ABCD3: variants seen among roughly 807,000 people sequenced by gnomAD.
ABCD3 encodes the protein ATP binding cassette subfamily D member 3.
Under a neutral mutation model 105.5 loss-of-function variants are expected in ABCD3, and 41 were observed. The observed-to-expected ratio is 0.39, with a 90% confidence interval of 0.30 to 0.50. The LOEUF (loss-of-function observed/expected upper bound fraction) is 0.50, where lower values mean the gene tolerates loss of function less well. Among genes scored for constraint, ABCD3 ranks in the 20% least tolerant of loss-of-function variants. The pLI, the probability that ABCD3 is intolerant of heterozygous loss-of-function variation, is 0.84. For missense variants in ABCD3, 622 were observed against 806.3 expected (o/e 0.77, Z 2.77); for synonymous variants, 258 against 269.0 (o/e 0.96, Z 0.40).
chr1:94,408,784 AT>A, the ABCD3 span, among the ~76,000 whole-genome samples: 1 of 152,170 alleles, frequency 6.6e-6, no homozygotes. Context: ...AGAATTTTAG[AT>A]GAGAGACTGA....
At chr1:94,402,253 G>A in the ABCD3 span, among the ~76,000 whole-genome samples, 1 of 152,118 alleles carries the variant, frequency 6.6e-6, no homozygotes, top group Non-Finnish European at 1.5e-5. Flanking sequence ...GCTGTTATGA[G>A]TGTTCTTTAA....
chr1:94,471,341 T>G (rs1215386254), intron 4 of ABCD3, among the ~76,000 whole-genome samples: 2 of 151,972 alleles, frequency 1.3e-5, no homozygotes, highest in Admixed American at 1.3e-4. Flanking sequence ...GAGGATCACT[T>G]GAGGCCAAGA....
intron 21 of ABCD3, among the ~76,000 whole-genome samples, chr1:94,512,764 A>G (rs1055948102): frequency 6.6e-6 from 1 of 152,100 alleles, no homozygotes; most frequent in Non-Finnish European, 1.5e-5. Flanking sequence ...ATTGTTACCA[A>G]CATCTATACT....
intron 8 of ABCD3, among the ~76,000 whole-genome samples, chr1:94,479,172 T>C (rs772791244): frequency 2.0e-4 from 31 of 152,208 alleles, no homozygotes; most frequent in Non-Finnish European, 1.8e-4. Flanking sequence ...TTTATTTTCC[T>C]AATTCTTTGC....
chr1:94,420,173 G>A (rs1361984928), intron 1 of ABCD3, among the ~76,000 whole-genome samples: 1 of 152,124 alleles, frequency 6.6e-6, no homozygotes, highest in Non-Finnish European at 1.5e-5. Flanking sequence ...AGAGCTTGAA[G>A]AATTTTTACA....
chr1:94,426,924 C>T (rs1196749106), intron 1 of ABCD3, among the ~76,000 whole-genome samples: 1 of 150,918 alleles, frequency 6.6e-6, no homozygotes, highest in Non-Finnish European at 1.5e-5. Flanking sequence ...ATTACTTCTT[C>T]CCTCTGAAAC....
chr1:94,449,766 C>T (rs1388049592), intron 1 of ABCD3, among the ~76,000 whole-genome samples: 1 of 152,146 alleles, frequency 6.6e-6, no homozygotes, highest in Admixed American at 6.5e-5. Context: ...AGTCTGCGTG[C>T]CACAGCCACA....
chr1:94,450,420 G>T (rs1311780514), intron 1 of ABCD3, among the ~76,000 whole-genome samples: 2 of 152,224 alleles, frequency 1.3e-5, no homozygotes, highest in South Asian at 2.1e-4. Flanking sequence ...GCTGAAGGTT[G>T]TGGGTTTACC....
In ABCD3 at chr1:94,434,836, G is replaced by A. The variant is rs145033093; in HGVS notation, c.110+16248G>A. Among the ~76,000 whole-genome samples, 292 of 152,226 alleles carry A rather than the reference G, an allele frequency of 1.9e-3. 1 individual carries two copies. Among genetic ancestry groups the A allele is most frequent in the Non-Finnish European group, 3.3e-3 (225 of 68,026 alleles). ...AGCCACTGCAGAAGCCTTCCACATGGCCCTTCCCAGTCACAGCCCCTTTCC... is the reference window on the plus strand; with the variant it reads ...AGCCACTGCAGAAGCCTTCCACATGACCCTTCCCAGTCACAGCCCCTTTCC... On this transcript the variant is annotated intron_variant, in intron 1 of 22. Coordinates refer to ENST00000370214, the MANE Select transcript of ABCD3 (RefSeq NM_002858.4).
chr1:94,445,601 C>G (rs1186983146), intron 1 of ABCD3, among the ~76,000 whole-genome samples: 2 of 152,168 alleles, frequency 1.3e-5, no homozygotes, highest in Non-Finnish European at 2.9e-5. Flanking sequence ...TCCTGCACCC[C>G]CTCCTTATTT....
At chr1:94,443,253 T>C (rs1040661402) in intron 1 of ABCD3, among the ~76,000 whole-genome samples, 1 of 152,212 alleles carries the variant, frequency 6.6e-6, no homozygotes, top group African/African-American at 2.4e-5. Context: ...TTGGCCCCTT[T>C]GTATGTCTTC....
At chr1:94,440,544 T>C (rs1660095173) in intron 1 of ABCD3, among the ~76,000 whole-genome samples, 1 of 152,224 alleles carries the variant, frequency 6.6e-6, no homozygotes. Flanking sequence ...CAGTGCTGTT[T>C]ACTGGACTGT....
intron 4 of ABCD3, 93 bp downstream of exon 4, chr1:94,468,100 G>T: frequency 1.1e-6 from 1 of 946,702 alleles, no homozygotes; most frequent in Non-Finnish European, 1.7e-6. Context: ...TAGATTCTAA[G>T]TTAGGTAAAA....
intron 1 of ABCD3, among the ~76,000 whole-genome samples, chr1:94,426,252 G>T (rs1383195301): frequency 6.6e-6 from 1 of 152,082 alleles, no homozygotes; most frequent in Non-Finnish European, 1.5e-5. Context: ...CATGGTTTTA[G>T]GTTTCTGTAT....
intron 21 of ABCD3, chr1:94,514,444 T>G (rs1019520968): frequency 4.6e-5 from 7 of 152,108 alleles, no homozygotes; most frequent in African/African-American, 1.7e-4. Flanking sequence ...TATTAATGTT[T>G]TTTTTTTTTT....
At chr1:94,478,632 C>A in intron 8 of ABCD3, 1 of 1,071,712 alleles carries the variant, frequency 9.3e-7, no homozygotes, top group Non-Finnish European at 1.4e-6. Context: ...GGGAGGATCG[C>A]TTGAATCCAG....
chr1:94,418,112 G>T (rs898011917), upstream of ABCD3, among the ~76,000 whole-genome samples: 1 of 152,194 alleles, frequency 6.6e-6, no homozygotes, highest in Non-Finnish European at 1.5e-5. Flanking sequence ...GTGAAAGCCG[G>T]GGTGTGCGCG....
chr1:94,459,955 T>C (rs1365432408), intron 2 of ABCD3, among the ~76,000 whole-genome samples: 1 of 152,230 alleles, frequency 6.6e-6, no homozygotes, highest in East Asian at 1.9e-4. Context: ...TTTTTATTGC[T>C]GAATAGTGTT....
At chr1:94,514,276 G>A (rs1245836908) in intron 21 of ABCD3, 3 of 151,940 alleles carry the variant, frequency 2.0e-5, no homozygotes, top group Non-Finnish European at 4.4e-5. Flanking sequence ...TGTTTAGAAA[G>A]CATCCCTGGC....
Sources: gnomAD v4.1 joint callset for allele counts (sites outside exome capture counted in the v4.1 genomes callset) on GRCh38, gnomAD v4.1.1 for gene constraint, MANE v1.5 for transcripts, NCBI Gene and HGNC (gene_info 2026-07-23, HGNC 2026-07-21) for gene names.